The following GATAD2B variants were observed in gnomAD, a reference collection of about 807,000 sequenced individuals.
GATAD2B encodes the protein GATA zinc finger domain containing 2B.
GATAD2B carries 8 observed loss-of-function variants against 64.3 expected under a neutral mutation model. The observed-to-expected ratio is 0.12, with a 90% CI of 0.07 to 0.22. The LOEUF (loss-of-function observed/expected upper bound fraction) is 0.22. Among genes scored for constraint, GATAD2B ranks in the 10% least tolerant of loss-of-function variants. The probability of loss-of-function intolerance (pLI) is 1.00; values close to 1 mark genes in which losing one functional copy is unlikely to be tolerated. For synonymous variants in GATAD2B, 281 were observed against 271.3 expected (o/e 1.04, Z -0.35); for missense variants, 453 against 752.0 (o/e 0.60, Z 4.65).
chr1:153,911,502 A>G (rs367566546), intron 1 of GATAD2B, among the ~76,000 whole-genome samples: 68 of 152,318 alleles, frequency 4.5e-4, no homozygotes, highest in African/African-American at 1.6e-3. Context: ...TGGGAGGCCG[A>G]GGCGGGTGGA....
At chr1:153,824,612 T>TTAA (rs1553189267) in intron 2 of GATAD2B, among the ~76,000 whole-genome samples, 6 of 96,698 alleles carry the variant, frequency 6.2e-5, no homozygotes, top group East Asian at 2.9e-4. Flanking sequence ...ACTCTGCCTT[T>TTAA]AAAAAAAAAA....
intron 1 of GATAD2B, chr1:153,852,090 G>T: frequency 1.8e-6 from 1 of 570,042 alleles, no homozygotes; most frequent in South Asian, 2.6e-5. Flanking sequence ...ACTGGTGACA[G>T]GGGCAAGTTT....
intron 8 of GATAD2B, 24 bp from the exon 9 acceptor site, chr1:153,812,156 T>A: frequency 7.5e-7 from 1 of 1,333,594 alleles, no homozygotes; most frequent in Non-Finnish European, 1.1e-6. Flanking sequence ...TCACATCAGG[T>A]GATTGAGCAG....
chr1:153,903,342 GA>G (rs1677836068), intron 1 of GATAD2B, among the ~76,000 whole-genome samples: 2 of 152,126 alleles, frequency 1.3e-5, no homozygotes, highest in Admixed American at 1.3e-4. Context: ...CTAAGACAGA[GA>G]AAAGCATCTG....
At chr1:153,888,756 GTATC>G (rs1340208620) in intron 1 of GATAD2B, among the ~76,000 whole-genome samples, 1 of 152,124 alleles carries the variant, frequency 6.6e-6, no homozygotes, top group Non-Finnish European at 1.5e-5. Context: ...CTGTTACTAA[GTATC>G]TAAGTGTCTC....
At chr1:153,815,383 G>A (rs1156461872) in intron 7 of GATAD2B, among the ~76,000 whole-genome samples, 1 of 150,258 alleles carries the variant, frequency 6.7e-6, no homozygotes, top group Non-Finnish European at 1.5e-5. Flanking sequence ...ACAAAATACA[G>A]TCAGTCCTCA....
chr1:153,905,807 C>CT (rs1244276322), intron 1 of GATAD2B, among the ~76,000 whole-genome samples: 1 of 150,872 alleles, frequency 6.6e-6, no homozygotes. Context: ...TGGCTCACGC[C>CT]TGTAATCCCA....
intron 1 of GATAD2B, among the ~76,000 whole-genome samples, chr1:153,906,839 G>A (rs1677954427): frequency 6.6e-6 from 1 of 152,146 alleles, no homozygotes; most frequent in Admixed American, 6.6e-5. Flanking sequence ...CAAAGGATCT[G>A]AATAGACATG....
rs869141712 is a variant in GATAD2B at position 153,861,781 on chromosome 1, C to CAAAAAAAAAAAAAAAA, written c.-1-33434_-1-33433insTTTTTTTTTTTTTTTT. 2.5e-4 allele frequency among the ~76,000 whole-genome samples: 21 copies of CAAAAAAAAAAAAAAAA among 85,698 alleles called. 1 individual carries two copies. Among genetic ancestry groups the CAAAAAAAAAAAAAAAA allele is most frequent in the East Asian group, 7.3e-4 (3 of 4,134 alleles). The allele number at this position is 85,698 out of a possible 152,430, so 56.2% of individuals were successfully genotyped here. ...TGGGCAACAGAGCGAGACTCCATTT[C>CAAAAAAAAAAAAAAAA]AAAAAAAAAAAAAAATATATATATA... is the stretch of plus-strand genomic sequence containing the variant. On this transcript the variant is annotated intron_variant, in intron 1 of 10. Coordinates refer to ENST00000368655, the MANE Select transcript of GATAD2B (RefSeq NM_020699.4).
intron 1 of GATAD2B, among the ~76,000 whole-genome samples, chr1:153,842,063 T>G (rs1389716925): frequency 2.0e-5 from 3 of 152,012 alleles, no homozygotes; most frequent in Non-Finnish European, 4.4e-5. Context: ...AGCCTCAAAT[T>G]CCTGGCCTCA....
At chr1:153,876,983 C>T (rs111236175) in intron 1 of GATAD2B, among the ~76,000 whole-genome samples, 1 of 152,180 alleles carries the variant, frequency 6.6e-6, no homozygotes, top group African/African-American at 2.4e-5. Flanking sequence ...TGCCACTTCA[C>T]TCCAGCCTGG....
At position 153,808,060 on chromosome 1, in the gene GATAD2B, TTATATATA is replaced by T. The variant is rs1001901930; in HGVS notation, c.*2109_*2116del. 1 of 150,338 alleles carries T rather than the reference TTATATATA, an allele frequency of 6.7e-6. No individual in the cohort carries two copies. Among genetic ancestry groups the T allele is most frequent in the Non-Finnish European group, 1.5e-5 (1 of 67,600 alleles). 9.3% of individuals were successfully genotyped at this position (150,338 alleles called of 1,614,324 possible). ...AAAGAAAAGATGTAAGAATATATCT[TTATATATA>T]TATATATAATTTTAAAATAATCCCA... On this transcript the variant is annotated 3_prime_UTR_variant, in exon 11 of 11. Coordinates refer to ENST00000368655, the MANE Select transcript of GATAD2B (RefSeq NM_020699.4).
intron 1 of GATAD2B, among the ~76,000 whole-genome samples, chr1:153,867,537 C>G (rs566702124): frequency 4.0e-5 from 6 of 151,768 alleles, no homozygotes; most frequent in Non-Finnish European, 8.8e-5. Flanking sequence ...AAATCAAGGA[C>G]CCCAAAGAGA....
At chr1:153,823,747 T>G (rs1674766500) in intron 2 of GATAD2B, among the ~76,000 whole-genome samples, 1 of 151,996 alleles carries the variant, frequency 6.6e-6, no homozygotes, top group Non-Finnish European at 1.5e-5. Flanking sequence ...TGTTTTTTTT[T>G]TGAGACAAGG....
intron 5 of GATAD2B, 48 bp from the exon 6 acceptor site, chr1:153,817,590 G>A: frequency 3.0e-6 from 4 of 1,349,142 alleles, no homozygotes; most frequent in Non-Finnish European, 4.0e-6. Flanking sequence ...TGTACGCTGT[G>A]TATAATACAG....
chr1:153,820,297 A>G (rs1674633013), intron 2 of GATAD2B, among the ~76,000 whole-genome samples: 1 of 152,150 alleles, frequency 6.6e-6, no homozygotes, highest in Admixed American at 6.5e-5. Context: ...ATCTTACCTC[A>G]AAAAGAGTCT....
At chr1:153,896,902 T>A (rs1393234152) in intron 1 of GATAD2B, among the ~76,000 whole-genome samples, 1 of 152,206 alleles carries the variant, frequency 6.6e-6, no homozygotes, top group Non-Finnish European at 1.5e-5. Flanking sequence ...GCTTTTTATA[T>A]CCAAGGCAAC....
chr1:153,836,286 C>CA (rs1156635871), intron 1 of GATAD2B, among the ~76,000 whole-genome samples: 4 of 125,494 alleles, frequency 3.2e-5, no homozygotes, highest in African/African-American at 1.2e-4. Context: ...TTTTTTTAGA[C>CA]AGTCTGTCAC....
At chr1:153,815,280 C>CAAAACAAAAAAAAAAAA (rs1674428829) in intron 7 of GATAD2B, among the ~76,000 whole-genome samples, 3 of 66,612 alleles carry the variant, frequency 4.5e-5, no homozygotes, top group Non-Finnish European at 5.4e-5. Flanking sequence ...CTCAAAAAAA[C>CAAAACAAAAAAAAAAAA]AAAAAAAAAA....
Sources: gnomAD v4.1 joint callset for allele counts (sites outside exome capture counted in the v4.1 genomes callset) on GRCh38, gnomAD v4.1.1 for gene constraint, MANE v1.5 for transcripts, NCBI Gene and HGNC (gene_info 2026-07-23, HGNC 2026-07-21) for gene names.